The following ANKS1A variants were observed in gnomAD, a reference collection of about 807,000 sequenced individuals.
ANKS1A encodes ankyrin repeat and SAM domain-containing protein 1A.
ANKS1A carries 55 observed loss-of-function variants against 120.3 expected under a neutral mutation model. The ratio of observed to expected loss-of-function variants is 0.46; its 90% CI spans 0.37 to 0.57. The LOEUF (loss-of-function observed/expected upper bound fraction) is 0.57, where lower values mean the gene tolerates loss of function less well. Ranked by LOEUF, ANKS1A falls within the 20% of genes least tolerant of loss-of-function variation. The pLI is 0.00. For missense variants in ANKS1A, 1,123 were observed against 1,480.3 expected (o/e 0.76, Z 3.96); for synonymous variants, 590 against 604.7 (o/e 0.98, Z 0.36).
At chr6:35,067,276 C>T (rs886970347) in intron 13 of ANKS1A, among the ~76,000 whole-genome samples, 3 of 152,128 alleles carry the variant, frequency 2.0e-5, no homozygotes, top group Non-Finnish European at 4.4e-5. Context: ...CAGCAGATGC[C>T]CTGGGACTGG....
At chr6:35,083,813 G>A (rs1032879794) in intron 20 of ANKS1A, among the ~76,000 whole-genome samples, 12 of 152,260 alleles carry the variant, frequency 7.9e-5, no homozygotes, top group Non-Finnish European at 1.0e-4. Context: ...GTGTGCCACC[G>A]TGTGGGATCC....
chr6:35,093,944 C>T (rs559442579), downstream of ANKS1A, among the ~76,000 whole-genome samples: 9 of 152,294 alleles, frequency 5.9e-5, no homozygotes, highest in Admixed American at 5.2e-4. Flanking sequence ...AGAGACAGAA[C>T]GCTCACCAGC....
chr6:35,030,894 C>T (rs73745060), intron 11 of ANKS1A, among the ~76,000 whole-genome samples: 55 of 152,334 alleles, frequency 3.6e-4, no homozygotes, highest in African/African-American at 1.3e-3. Context: ...CCCGGCCCTT[C>T]GGTGAACATC....
chr6:35,000,879 TG>T (rs1342753315), intron 10 of ANKS1A, among the ~76,000 whole-genome samples: 2 of 152,054 alleles, frequency 1.3e-5, no homozygotes, highest in Non-Finnish European at 2.9e-5. Context: ...AAATGTTAAT[TG>T]TAAAAAAAAA....
intron 10 of ANKS1A, among the ~76,000 whole-genome samples, chr6:35,001,813 C>T (rs1773184269): frequency 6.6e-6 from 1 of 151,774 alleles, no homozygotes; most frequent in Non-Finnish European, 1.5e-5. Context: ...TTCACGCTGG[C>T]ATTTCATCAA....
chr6:35,091,440 C>T (rs1778298839), downstream of ANKS1A: 4 of 984,984 alleles, frequency 4.1e-6, no homozygotes, highest in Non-Finnish European at 2.4e-6. Context: ...AATTGGAAAG[C>T]GTCTTGATGG....
Position 35,084,492 on chromosome 6 carries a change from CTTTT to C in ANKS1A, c.3132+248_3132+251del, listed in dbSNP as rs11458954. 7.2e-6 allele frequency among the ~76,000 whole-genome samples: 1 copy of C among 138,508 alleles called. No homozygotes were observed. The highest frequency in any genetic ancestry group is 1.5e-5 in the Non-Finnish European group (1 of 64,658). 90.9% of individuals were successfully genotyped at this position (138,508 alleles called of 152,430 possible). ...GGGCACTAGGGACAGGAGGTTCCAGCTTTTTTTTTTTTTTTTTAAGAGATGGAGT... is the reference window on the plus strand; with the variant it reads ...GGGCACTAGGGACAGGAGGTTCCAGCTTTTTTTTTTTTTAAGAGATGGAGT... On this transcript the variant is annotated intron_variant, in intron 21 of 23. Coordinates refer to ENST00000360359, the MANE Select transcript of ANKS1A (RefSeq NM_015245.3). The surrounding 1 kb of genome is among the most constrained non-coding windows in gnomAD (Gnocchi z 4.8).
intron 1 of ANKS1A, among the ~76,000 whole-genome samples, chr6:34,962,323 G>A (rs771641529): frequency 1.3e-5 from 2 of 152,158 alleles, no homozygotes; most frequent in Non-Finnish European, 2.9e-5. Flanking sequence ...CCTAGATATC[G>A]AAATACATGT....
intron 1 of ANKS1A, among the ~76,000 whole-genome samples, chr6:34,893,777 C>T (rs1173167148): frequency 6.6e-6 from 1 of 152,134 alleles, no homozygotes; most frequent in Non-Finnish European, 1.5e-5. Context: ...CTGTTTGAAG[C>T]TATTAACATA....
In ANKS1A at chr6:35,081,255, C is replaced by A. The variant is rs879737987; in HGVS notation, c.2709+97C>A. 38 of 1,420,364 alleles carry A rather than the reference C, an allele frequency of 2.7e-5. No homozygotes were observed. In the South Asian group the frequency reaches 4.5e-4, roughly 17 times the overall value. The allele number at this position is 1,420,364 out of a possible 1,614,324, so 88.0% of individuals were successfully genotyped here. A position where few individuals can be genotyped will look rare whatever the true frequency, so the allele number is the denominator to read the frequency against. ...CCACCTGCTGCCCCATACTTGAGCA[C>A]AGTTGGGCTGGCACCAGAGTCAGGA... is the stretch of plus-strand genomic sequence containing the variant. On this transcript the variant is annotated intron_variant, in intron 17 of 23. Transcript: ENST00000360359.
In ANKS1A at chr6:35,084,303, C is replaced by A; in HGVS notation, c.3132+45C>A. 4 of 1,605,706 alleles carry A rather than the reference C, an allele frequency of 2.5e-6. No homozygotes were observed. Among genetic ancestry groups the A allele is most frequent in the Non-Finnish European group, 3.4e-6 (4 of 1,176,860 alleles). On this transcript the variant is annotated intron_variant, in intron 21 of 23. Transcript: ENST00000360359. This position sits in a 1 kb window ranked among gnomAD's most constrained non-coding sequence, Gnocchi z 4.8. ...CGGGTGGGGCAGGCTTGGGTTGCAG[C>A]CCTGAGGCGTCCAGCCCCATTGCAG...
chr6:35,016,602 A>G (rs1774016677), intron 10 of ANKS1A, among the ~76,000 whole-genome samples: 1 of 152,178 alleles, frequency 6.6e-6, no homozygotes, highest in South Asian at 2.1e-4. Flanking sequence ...ATGAGCTAGT[A>G]GTGTCAGATT....
At chr6:35,091,946 G>A (rs1778322473), downstream of ANKS1A, among the ~76,000 whole-genome samples, 1 of 152,208 alleles carries the variant, frequency 6.6e-6, no homozygotes, top group Non-Finnish European at 1.5e-5. Flanking sequence ...AGGGTGCTGA[G>A]CTGTATTTAA....
intron 13 of ANKS1A, among the ~76,000 whole-genome samples, chr6:35,065,732 A>G (rs1776740090): frequency 6.6e-6 from 1 of 152,214 alleles, no homozygotes; most frequent in Non-Finnish European, 1.5e-5. Flanking sequence ...GGGTGAGTGC[A>G]TCACCCCTGG....
At chr6:35,014,359 T>G (rs558373525) in intron 10 of ANKS1A, among the ~76,000 whole-genome samples, 3 of 152,232 alleles carry the variant, frequency 2.0e-5, no homozygotes, top group Non-Finnish European at 2.9e-5. Flanking sequence ...CCACAAAATA[T>G]TGGTGGATTG....
chr6:34,967,183 G>T, intron 1 of ANKS1A, 56 bp from the exon 2 acceptor site: 2 of 1,576,306 alleles, frequency 1.3e-6, no homozygotes, highest in African/African-American at 1.4e-5. Flanking sequence ...TCTAACTTTG[G>T]TTTGTGACTT....
At chr6:34,899,231 C>T (rs1223574368) in intron 1 of ANKS1A, among the ~76,000 whole-genome samples, 1 of 152,038 alleles carries the variant, frequency 6.6e-6, no homozygotes, top group African/African-American at 2.4e-5. Context: ...TTGTGCAAGC[C>T]CAGGACTTTT....
At chr6:35,032,042 A>G in intron 11 of ANKS1A, among the ~76,000 whole-genome samples, 1 of 152,270 alleles carries the variant, frequency 6.6e-6, no homozygotes, top group African/African-American at 2.4e-5. Flanking sequence ...CTGGGCATAC[A>G]GAAATGAAAT....
At chr6:35,003,498 A>G (rs1175729405) in intron 10 of ANKS1A, among the ~76,000 whole-genome samples, 1 of 152,216 alleles carries the variant, frequency 6.6e-6, no homozygotes, top group Admixed American at 6.5e-5. Flanking sequence ...TAAAAATATG[A>G]CAGAACTGGC....
Sources: allele counts gnomAD v4.1 joint callset (sites outside exome capture counted in the v4.1 genomes callset), GRCh38; gene constraint gnomAD v4.1.1; non-coding constraint Gnocchi (gnomAD v3.1); transcripts MANE v1.5; gene names NCBI Gene and HGNC (gene_info 2026-07-23, HGNC 2026-07-21).